Variants in BRIP1 observed in about 807,000 individuals in gnomAD.
The protein encoded by BRIP1 is BRCA1 interacting DNA helicase 1, also known as Fanconi anemia group J protein.
A neutral mutation model predicts 119.7 loss-of-function variants in BRIP1; 88 were observed. That is an observed-to-expected ratio of 0.74 (90% CI 0.62 to 0.88). The LOEUF is 0.88. BRIP1 is among the 40% of genes least tolerant of loss of function. BRIP1 has a pLI of 0.00. For missense variants in BRIP1, 1,259 were observed against 1,455.4 expected (o/e 0.87, Z 2.20); for synonymous variants, 443 against 496.5 (o/e 0.89, Z 1.43).
At chr17:61,731,411 C>A (rs2076841472) in intron 16 of BRIP1, among the ~76,000 whole-genome samples, 1 of 152,188 alleles carries the variant, frequency 6.6e-6, no homozygotes, top group Admixed American at 6.5e-5. Flanking sequence ...AGGCTGTATT[C>A]CTGGATCTGG....
chr17:61,821,686 C>T (rs575763330), intron 6 of BRIP1, among the ~76,000 whole-genome samples: 2 of 151,938 alleles, frequency 1.3e-5, no homozygotes, highest in African/African-American at 2.4e-5. Context: ...CATGCTACCA[C>T]GCCTGGCTAC....
rs1287538931 is a variant in BRIP1 at position 61,765,379 on chromosome 17, TTATATATATATATATATATA to T, written c.2097+11002_2097+11021del. Among the ~76,000 whole-genome samples the T allele has an allele frequency of 5.7e-3, 216 of 37,736 alleles. 2 individuals are homozygous for T. Among genetic ancestry groups the T allele is most frequent in the Middle Eastern group, 0.015 (1 of 68 alleles). The allele number at this position is 37,736 out of a possible 152,430, so 24.8% of individuals were successfully genotyped here. A position where few individuals can be genotyped will look rare whatever the true frequency, so the allele number is the denominator to read the frequency against. On this transcript the variant is annotated intron_variant, in intron 14 of 19. Transcript: ENST00000259008. ...ATGTGTGTGTGTGTGTGTGTATATA[TTATATATATATATATATATA>T]TATATATATATATATATATATATAT... is the stretch of plus-strand genomic sequence containing the variant.
At position 61,816,561 on chromosome 17, in the gene BRIP1, A is replaced by G. The variant is rs1023194302; in HGVS notation, c.628-7804T>C. ...CCAGTTTCTGAAAAGTCTGTGTTTCAATAGAGTAAATCAATAAGAATTATC... is the reference window on the plus strand; with the variant it reads ...CCAGTTTCTGAAAAGTCTGTGTTTCGATAGAGTAAATCAATAAGAATTATC... On this transcript the variant is annotated intron_variant, in intron 6 of 19. Coordinates refer to ENST00000259008, the MANE Select transcript of BRIP1 (RefSeq NM_032043.3). The surrounding 1 kb of genome is among the most constrained non-coding windows in gnomAD (Gnocchi z 5.0). Among the ~76,000 whole-genome samples the G allele has an allele frequency of 6.6e-6, 1 of 152,186 alleles. No homozygotes were observed. The highest frequency in any genetic ancestry group is 2.4e-5 in the African/African-American group (1 of 41,444).
At position 61,734,472 on chromosome 17, in the gene BRIP1, C is replaced by T. The variant is rs994042560; in HGVS notation, c.2379+8541G>A. 2.3e-4 allele frequency among the ~76,000 whole-genome samples: 35 copies of T among 152,102 alleles called. No individual in the cohort carries two copies. Among genetic ancestry groups the T allele is most frequent in the African/African-American group, 6.3e-4 (26 of 41,408 alleles). On this transcript the variant is annotated intron_variant, in intron 16 of 19. Transcript: ENST00000259008. This position sits in a 1 kb window ranked among gnomAD's most constrained non-coding sequence, Gnocchi z 5.2. ...GGGAAAGGTGGAAGTGAAAAAAATC[C>T]TCACTGGGAAAGTTAGCTTAATGCT... is the stretch of plus-strand genomic sequence containing the variant.
In BRIP1 at chr17:61,745,200, C is replaced by T. The variant is rs539005440; in HGVS notation, c.2098-609G>A. 6.6e-6 allele frequency among the ~76,000 whole-genome samples: 1 copy of T among 152,156 alleles called. No homozygotes were observed. The highest frequency in any genetic ancestry group is 2.1e-4 in the South Asian group (1 of 4,810). ...CCAAGAAGTAGAAAATATATGGGCACAAATGGAACATTTACAGCCATGGGC... is the reference window on the plus strand; with the variant it reads ...CCAAGAAGTAGAAAATATATGGGCATAAATGGAACATTTACAGCCATGGGC... On this transcript the variant is annotated intron_variant, in intron 14 of 19. Transcript: ENST00000259008. This position sits in a 1 kb window ranked among gnomAD's most constrained non-coding sequence, Gnocchi z 4.4.
Position 61,680,567 on chromosome 17 carries a change from C to T in BRIP1, c.*2729G>A, listed in dbSNP as rs1463564979. Among the ~76,000 whole-genome samples, 3 of 146,894 alleles carry T rather than the reference C, an allele frequency of 2.0e-5. No individual in the cohort carries two copies. The highest frequency in any genetic ancestry group is 4.5e-5 in the Non-Finnish European group (3 of 67,380). ...CAATCTCGGCTCACTGCAAGCTCCA[C>T]CTCCCGGGTTCACGCCATTCTCCTG... On this transcript the variant is annotated 3_prime_UTR_variant, in exon 20 of 20. Coordinates refer to ENST00000259008, the MANE Select transcript of BRIP1 (RefSeq NM_032043.3).
intron 17 of BRIP1, among the ~76,000 whole-genome samples, chr17:61,698,993 A>G (rs746629851): frequency 6.6e-6 from 1 of 152,212 alleles, no homozygotes; most frequent in Non-Finnish European, 1.5e-5. Context: ...CTGGGATTGC[A>G]GGCAGAATGG....
chr17:61,819,158 C>T (rs1297554780), intron 6 of BRIP1, among the ~76,000 whole-genome samples: 3 of 146,908 alleles, frequency 2.0e-5, no homozygotes, highest in African/African-American at 7.7e-5. Context: ...TGCACTCCAG[C>T]CTGGGCAACA....
At chr17:61,685,773 T>C (rs781358015) in intron 19 of BRIP1, 63 bp downstream of exon 19, 6 of 1,371,406 alleles carry the variant, frequency 4.4e-6, no homozygotes, top group Admixed American at 1.7e-5. Flanking sequence ...CAAATAAATA[T>C]CATTTCACTA....
intron 11 of BRIP1, 50 bp downstream of exon 11, chr17:61,784,219 CA>C (rs757713905): frequency 1.3e-6 from 2 of 1,545,142 alleles, no homozygotes; most frequent in East Asian, 4.5e-5. Context: ...TGCTAGCATC[CA>C]AATTAGGCTA....
In BRIP1 at chr17:61,802,116, T is replaced by C. The variant is rs1230597019; in HGVS notation, c.919-642A>G. Among the ~76,000 whole-genome samples, 2 of 152,186 alleles carry C rather than the reference T, an allele frequency of 1.3e-5. No homozygotes were observed. The highest frequency in any genetic ancestry group is 2.4e-5 in the African/African-American group (1 of 41,454). On this transcript the variant is annotated intron_variant, in intron 7 of 19. Transcript: ENST00000259008. This position sits in a 1 kb window ranked among gnomAD's most constrained non-coding sequence, Gnocchi z 6.0. The stretch of plus-strand genomic sequence containing the variant: ...TAGAAACATTTTGGTGTATTTCATT[T>C]CATATTTCTTCTATACATGTGTATA...
At position 61,683,522 on chromosome 17, in the gene BRIP1, G is replaced by C. The variant is rs2144073081; in HGVS notation, c.3524C>G (p.Thr1175Ser). ...TCTGGCTGAATCTACTTCTTTTATA[G>C]TTCTAATTTCAAAAAGGTCTTTAGC... ...ILAKDLFEIR[T>S]IKEVDSAREV... Residue 1175 changes from threonine (T) to serine (S), a missense_variant, in exon 20 of 20, where the codon ACT becomes AGT. By Grantham distance (58) the Thr-to-Ser change is moderately conservative. This residue lies in a region of BRIP1 where 753 missense variants were observed against 891.8 expected (regional missense o/e 0.84). Coordinates refer to ENST00000259008, the MANE Select transcript of BRIP1 (RefSeq NM_032043.3). This position sits in a 1 kb window ranked among gnomAD's most constrained non-coding sequence, Gnocchi z 4.7. 1 of 1,613,384 alleles carries C rather than the reference G, an allele frequency of 6.2e-7. No individual in the cohort carries two copies. Among genetic ancestry groups the C allele is most frequent in the Non-Finnish European group, 8.5e-7 (1 of 1,179,912 alleles).
intron 2 of BRIP1, 41 bp from the exon 3 acceptor site, chr17:61,859,948 CT>C: frequency 7.3e-7 from 1 of 1,368,376 alleles, no homozygotes; most frequent in Non-Finnish European, 1.0e-6. Context: ...AACATATTAA[CT>C]TTATAAAGGT....
In BRIP1 at chr17:61,793,627, A is replaced by G. The variant is rs775431508; in HGVS notation, c.1443T>C (p.Gly481=). The G allele has an allele frequency of 5.6e-6, 9 of 1,608,110 alleles. No individual in the cohort carries two copies. In the Admixed American group the frequency reaches 1.5e-4, roughly 27 times the overall value. Residue 481 remains glycine, a synonymous_variant, in exon 10 of 20, where the codon GGT becomes GGC. Coordinates refer to ENST00000259008, the MANE Select transcript of BRIP1 (RefSeq NM_032043.3). The surrounding 1 kb of genome is among the most constrained non-coding windows in gnomAD (Gnocchi z 5.2). ...NEMLLTLHKM[G]ITTATFPILQ... The stretch of plus-strand genomic sequence containing the variant: ...AAATGGGAAAAGTAGCAGTGGTGAT[A>G]CCCATTTTGTGTAAAGTTAAGAGCA...
intron 14 of BRIP1, among the ~76,000 whole-genome samples, chr17:61,771,930 C>G (rs1353516608): frequency 6.6e-6 from 1 of 151,922 alleles, no homozygotes; most frequent in Non-Finnish European, 1.5e-5. Flanking sequence ...CCACTGCACT[C>G]CAGCCTGGGT....
chr17:61,835,749 A>G (rs1004587074), intron 6 of BRIP1, among the ~76,000 whole-genome samples: 1 of 152,108 alleles, frequency 6.6e-6, no homozygotes, highest in Admixed American at 6.5e-5. Flanking sequence ...CCAAGTACAT[A>G]TAACAATTTA....
At position 61,742,043 on chromosome 17, in the gene BRIP1, C is replaced by G. The variant is rs766679619; in HGVS notation, c.2379+970G>C. Reference sequence around the variant, plus strand: ...TTGCGTAGCCACCTTCATCAATTATCTTGGCCAGATCTTCTGGATAACTTG... The same window carrying G: ...TTGCGTAGCCACCTTCATCAATTATGTTGGCCAGATCTTCTGGATAACTTG... On this transcript the variant is annotated intron_variant, in intron 16 of 19. Coordinates refer to ENST00000259008, the MANE Select transcript of BRIP1 (RefSeq NM_032043.3). This position sits in a 1 kb window ranked among gnomAD's most constrained non-coding sequence, Gnocchi z 4.7. Among the ~76,000 whole-genome samples the G allele has an allele frequency of 6.6e-6, 1 of 152,242 alleles. No individual in the cohort carries two copies. Among genetic ancestry groups the G allele is most frequent in the East Asian group, 1.9e-4 (1 of 5,196 alleles).
rs964865148 is a variant in BRIP1, at chr17:61,681,954, A to G, written c.*1342T>C. 1 of 200,456 alleles carries G rather than the reference A, an allele frequency of 5.0e-6. No homozygotes were observed. The highest frequency in any genetic ancestry group is 1.0e-5 in the Non-Finnish European group (1 of 97,362). The allele number at this position is 200,456 out of a possible 1,614,324, so 12.4% of individuals were successfully genotyped here. On this transcript the variant is annotated 3_prime_UTR_variant, in exon 20 of 20. Coordinates refer to ENST00000259008, the MANE Select transcript of BRIP1 (RefSeq NM_032043.3). The surrounding 1 kb of genome is among the most constrained non-coding windows in gnomAD (Gnocchi z 5.1). The stretch of plus-strand genomic sequence containing the variant: ...AAAATTTCAATTCAAATTACTCACA[A>G]AAAGTCCCAATGCCCAGTGAATAAC...
At chr17:61,847,836 A>G (rs915959081) in intron 5 of BRIP1, among the ~76,000 whole-genome samples, 3 of 152,184 alleles carry the variant, frequency 2.0e-5, no homozygotes, top group Admixed American at 6.5e-5. Context: ...AAGCATTTCT[A>G]TTGATAATCT....
Sources: allele counts gnomAD v4.1 joint callset (sites outside exome capture counted in the v4.1 genomes callset), GRCh38; gene constraint gnomAD v4.1.1; regional missense constraint gnomAD v4.1.1; non-coding constraint Gnocchi (gnomAD v3.1); transcripts MANE v1.5; gene names NCBI Gene and HGNC (gene_info 2026-07-23, HGNC 2026-07-21).